PGF: variants seen among roughly 807,000 people sequenced by gnomAD.
PGF encodes the protein placenta growth factor.
Under a neutral mutation model 25.3 loss-of-function variants are expected in PGF, and 11 were observed. The observed-to-expected ratio is 0.43, with a 90% CI of 0.27 to 0.72. The LOEUF (loss-of-function observed/expected upper bound fraction) is 0.72, where lower values mean the gene tolerates loss of function less well. PGF is among the 30% of genes least tolerant of loss of function. PGF has a pLI of 0.18. For synonymous variants in PGF, 105 were observed against 97.9 expected (o/e 1.07, Z -0.43); for missense variants, 230 against 234.9 (o/e 0.98, Z 0.14).
intron 4 of PGF, chr14:74,947,125 G>C: frequency 2.1e-6 from 1 of 476,158 alleles, no homozygotes. Flanking sequence ...CCAGGGCAAG[G>C]TACCAGGGCC....
chr14:74,947,018 C>A, intron 4 of PGF: 1 of 608,534 alleles, frequency 1.6e-6, no homozygotes, highest in South Asian at 2.0e-5. Flanking sequence ...GGGCCTCAGT[C>A]TTCACTGGGA....
At chr14:74,943,165 G>A (rs1465268753) in intron 6 of PGF, among the ~76,000 whole-genome samples, 2 of 152,168 alleles carry the variant, frequency 1.3e-5, no homozygotes, top group Non-Finnish European at 2.9e-5. Flanking sequence ...ACCGCTAGAC[G>A]CACGTGAGGC....
rs746663606 is a variant in PGF at position 74,949,451 on chromosome 14, C to G, written c.221G>C (p.Ser74Thr). The part of the protein sequence containing the change: ...EYPSEVEHMF[S>T]PSCVSLLRCT... ...GCGCAGCAGGGAGACACAGGATGGG[C>G]TGAACATGTGCTCCACCTCGCTGGG... The change falls in exon 3 of 7, where the codon AGC (serine) becomes ACC (threonine). Residue 74 changes from serine (S) to threonine (T), a missense_variant. Ser to Thr is a moderately conservative substitution (Grantham distance 58). Transcript: ENST00000555567. 32 of 1,612,710 alleles carry G rather than the reference C, an allele frequency of 2.0e-5. No homozygotes were observed. Among genetic ancestry groups the G allele is most frequent in the Admixed American group, 8.4e-5 (5 of 59,870 alleles).
chr14:74,946,204 C>A lies in PGF; in HGVS notation c.485+9G>T. 1 of 1,612,890 alleles carries A rather than the reference C, an allele frequency of 6.2e-7. No individual in the cohort carries two copies. On this transcript the variant is annotated intron_variant, in intron 6 of 6. Coordinates refer to ENST00000555567, the MANE Select transcript of PGF (RefSeq NM_002632.6). ...CCTCCTCGCCATCCCTGGGACCCCG[C>A]ACACTCACAGGTGGCAGTCTGTGGG...
rs1158233249 is a variant in PGF at position 74,953,612 on chromosome 14, T to C, written c.118+292A>G. 1.3e-5 allele frequency among the ~76,000 whole-genome samples: 2 copies of C among 151,966 alleles called. No individual in the cohort carries two copies. The highest frequency in any genetic ancestry group is 1.5e-5 in the Non-Finnish European group (1 of 67,972). On this transcript the variant is annotated intron_variant, in intron 2 of 6. Coordinates refer to ENST00000555567, the MANE Select transcript of PGF (RefSeq NM_002632.6). The surrounding 1 kb of genome is among the most constrained non-coding windows in gnomAD (Gnocchi z 5.4). The stretch of plus-strand genomic sequence containing the variant: ...ACCCTGTCCTCCAAGACCCCATCCA[T>C]ACCCTTAAATCATGCTGGGGAAGGG...
In PGF at chr14:74,942,673, C is replaced by T. The variant is rs764677850; in HGVS notation, c.*33G>A. 41 of 1,607,510 alleles carry T rather than the reference C, an allele frequency of 2.6e-5. No individual in the cohort carries two copies. Among genetic ancestry groups the T allele is most frequent in the East Asian group, 6.7e-5 (3 of 44,682 alleles). ...GTGTGACGGTAATAAATACACGAGC[C>T]GGGTGCGGGGTCTCTCTCCTCCAAG... On this transcript the variant is annotated 3_prime_UTR_variant, in exon 7 of 7. Coordinates refer to ENST00000555567, the MANE Select transcript of PGF (RefSeq NM_002632.6).
intron 6 of PGF, chr14:74,944,504 A>G: frequency 6.6e-6 from 1 of 152,096 alleles, no homozygotes; most frequent in Non-Finnish European, 1.5e-5. Context: ...CTTTGTATTA[A>G]AATATTAATA....
chr14:74,949,344 G>A lies in PGF; in HGVS notation c.315+13C>T. ...GCAGATTCGGTGGCCCCCTGGGCAG[G>A]GTATGGACCTACCTGCATGGTGACA... is the stretch of plus-strand genomic sequence containing the variant. On this transcript the variant is annotated intron_variant, in intron 3 of 6. Transcript: ENST00000555567. 1 of 1,532,620 alleles carries A rather than the reference G, an allele frequency of 6.5e-7. No homozygotes were observed. Among genetic ancestry groups the A allele is most frequent in the Admixed American group, 1.9e-5 (1 of 51,436 alleles). 94.9% of individuals were successfully genotyped at this position (1,532,620 alleles called of 1,614,324 possible).
At chr14:74,947,454 C>T (rs1271765830) in intron 4 of PGF, 1 of 152,576 alleles carries the variant, frequency 6.6e-6, no homozygotes, top group African/African-American at 2.4e-5. Flanking sequence ...TGGTCATGGC[C>T]ATGAAAGGTA....
intron 6 of PGF, among the ~76,000 whole-genome samples, chr14:74,944,081 A>AT (rs58701358): frequency 0.71 from 94,027 of 133,170 alleles, 33,917 homozygotes; most frequent in East Asian, 0.81. Flanking sequence ...GTGTTCCTGT[A>AT]TTTTTTTTTT....
At chr14:74,954,398 G>T (rs1566860195) in intron 1 of PGF, among the ~76,000 whole-genome samples, 2 of 152,096 alleles carry the variant, frequency 1.3e-5, no homozygotes, top group Admixed American at 6.5e-5. Flanking sequence ...TACACCTCTG[G>T]CCAGCCCTGC....
In PGF at chr14:74,948,497, G is replaced by A. The variant is rs201178273; in HGVS notation, c.392+10C>T. 1.0e-5 allele frequency: 16 copies of A among 1,571,674 alleles called. No homozygotes were observed. The Admixed American group carries it at 1.0e-4, about 10-fold the overall frequency. ...CTTTCCTTGCTACCCACCCGACCCC[G>A]GAGACCTACCGGCATTCGCAGCGAA... On this transcript the variant is annotated intron_variant, in intron 4 of 6. Coordinates refer to ENST00000555567, the MANE Select transcript of PGF (RefSeq NM_002632.6).
intron 2 of PGF, among the ~76,000 whole-genome samples, chr14:74,951,677 T>A (rs1888875634): frequency 6.6e-6 from 1 of 152,124 alleles, no homozygotes; most frequent in African/African-American, 2.4e-5. Flanking sequence ...GAAGAAGGGA[T>A]TTCCTTTCCT....
At chr14:74,944,958 G>C (rs1888694739) in intron 6 of PGF, 1 of 140,202 alleles carries the variant, frequency 7.1e-6, no homozygotes, top group African/African-American at 2.7e-5. Flanking sequence ...GTCTTGCTCT[G>C]TCACCCAGGC....
intron 1 of PGF, among the ~76,000 whole-genome samples, chr14:74,954,406 T>A (rs1168361464): frequency 6.6e-6 from 1 of 152,070 alleles, no homozygotes; most frequent in Non-Finnish European, 1.5e-5. Context: ...TGGCCAGCCC[T>A]GCAGCAGGCA....
In PGF at chr14:74,953,963, G is replaced by A. The variant is rs754405528; in HGVS notation, c.76-17C>T. ...GGCCCACTGCTATGGACAGAAAAGTGCAGAGGTGAGCTGGGGGTACCTTGG... is the reference window on the plus strand; with the variant it reads ...GGCCCACTGCTATGGACAGAAAAGTACAGAGGTGAGCTGGGGGTACCTTGG... On this transcript the variant is annotated splice_polypyrimidine_tract_variant and intron_variant, in intron 1 of 6. Coordinates refer to ENST00000555567, the MANE Select transcript of PGF (RefSeq NM_002632.6). The surrounding 1 kb of genome is among the most constrained non-coding windows in gnomAD (Gnocchi z 5.4). 4 of 1,613,450 alleles carry A rather than the reference G, an allele frequency of 2.5e-6. No homozygotes were observed. In the African/African-American group the frequency reaches 5.3e-5, roughly 22 times the overall value.
chr14:74,949,597 C>A (rs1367334541), intron 2 of PGF, 44 bp from the exon 3 acceptor site: 3 of 1,425,054 alleles, frequency 2.1e-6, no homozygotes, highest in Non-Finnish European at 2.8e-6. Flanking sequence ...CAGAGACCTG[C>A]CCCTTGAAGC....
In PGF at chr14:74,953,752, G is replaced by A; in HGVS notation, c.118+152C>T. On this transcript the variant is annotated intron_variant, in intron 2 of 6. Transcript: ENST00000555567. This position sits in a 1 kb window ranked among gnomAD's most constrained non-coding sequence, Gnocchi z 5.4. Reference sequence around the variant, plus strand: ...TGGGTCACCATGAGGGGATCTCTTAGGCCCTGCCAAAGTCATCACCCAGCA... The same window carrying A: ...TGGGTCACCATGAGGGGATCTCTTAAGCCCTGCCAAAGTCATCACCCAGCA... 1 of 787,050 alleles carries A rather than the reference G, an allele frequency of 1.3e-6. No individual in the cohort carries two copies. 48.8% of individuals were successfully genotyped at this position (787,050 alleles called of 1,614,324 possible). A position where few individuals can be genotyped will look rare whatever the true frequency, so the allele number is the denominator to read the frequency against.
chr14:74,942,993 T>C (rs1307101880), intron 6 of PGF, among the ~76,000 whole-genome samples: 1 of 152,204 alleles, frequency 6.6e-6, no homozygotes, highest in Non-Finnish European at 1.5e-5. Context: ...GAAGGCACCC[T>C]GATTATTCTT....
Sources: gnomAD v4.1 joint callset for allele counts (sites outside exome capture counted in the v4.1 genomes callset) on GRCh38, gnomAD v4.1.1 for gene constraint, Gnocchi (gnomAD v3.1) non-coding constraint, MANE v1.5 for transcripts, NCBI Gene and HGNC (gene_info 2026-07-23, HGNC 2026-07-21) for gene names.